RPS6KA5: variants seen among roughly 807,000 people sequenced by gnomAD.
RPS6KA5 encodes the protein ribosomal protein S6 kinase alpha-5.
In RPS6KA5, 27 loss-of-function variants were observed where a neutral mutation model predicts 85.5. The observed-to-expected ratio is 0.32, with a 90% CI of 0.23 to 0.44. The LOEUF (loss-of-function observed/expected upper bound fraction) is 0.44, where lower values mean the gene tolerates loss of function less well. RPS6KA5 is among the 20% of genes least tolerant of loss of function. The pLI, the probability that RPS6KA5 is intolerant of heterozygous loss-of-function variation, is 1.00. For synonymous variants in RPS6KA5, 334 were observed against 348.2 expected, an observed-to-expected ratio of 0.96 and a Z score of 0.46; for missense variants, 811 against 980.9, an observed-to-expected ratio of 0.83 and a Z score of 2.31.
intron 1 of RPS6KA5, among the ~76,000 whole-genome samples, chr14:91,056,237 C>A (rs1006873635): frequency 6.6e-6 from 1 of 152,172 alleles, no homozygotes; most frequent in African/African-American, 2.4e-5. Context: ...AAGTAAATGT[C>A]TTCCCAGCAA....
At chr14:90,975,236 TA>T (rs1436877180) in intron 3 of RPS6KA5, among the ~76,000 whole-genome samples, 1 of 152,218 alleles carries the variant, frequency 6.6e-6, no homozygotes, top group Non-Finnish European at 1.5e-5. Context: ...GACAAACTGT[TA>T]GCAAGGTTCC....
intron 3 of RPS6KA5, among the ~76,000 whole-genome samples, chr14:90,966,415 T>A (rs1368167282): frequency 6.6e-6 from 1 of 152,194 alleles, no homozygotes; most frequent in African/African-American, 2.4e-5. Context: ...CATAGAATAC[T>A]AACCCTTTCT....
At chr14:90,995,822 G>C (rs1419387287) in intron 2 of RPS6KA5, among the ~76,000 whole-genome samples, 1 of 152,256 alleles carries the variant, frequency 6.6e-6, no homozygotes, top group South Asian at 2.1e-4. Context: ...ACTCATGCCT[G>C]TAATCCCAGC....
At chr14:90,957,631 A>C (rs183611383) in intron 3 of RPS6KA5, among the ~76,000 whole-genome samples, 128 of 152,260 alleles carry the variant, frequency 8.4e-4, no homozygotes, top group African/African-American at 3.0e-3. Flanking sequence ...CTGGAGCATA[A>C]ATTACTCCAT....
chr14:90,947,409 GA>G (rs751010471), intron 4 of RPS6KA5, 25 bp downstream of exon 4: 2 of 1,328,642 alleles, frequency 1.5e-6, no homozygotes, highest in South Asian at 2.5e-5. Context: ...CTTCAGAAAA[GA>G]AACCTGAAAA....
chr14:91,018,190 A>G (rs2041587722), intron 1 of RPS6KA5, among the ~76,000 whole-genome samples: 1 of 152,240 alleles, frequency 6.6e-6, no homozygotes, highest in African/African-American at 2.4e-5. Context: ...GGAAGGAGAT[A>G]GTTATAAATA....
chr14:90,875,358 G>A lies in RPS6KA5; in HGVS notation c.1839C>T (p.Tyr613=). Residue 613 remains tyrosine (Y), a splice_region_variant and synonymous_variant, in exon 15 of 17, where the codon TAC becomes TAT. Transcript: ENST00000614987. The stretch of plus-strand genomic sequence containing the variant: ...AGGGAACCTGTCCTGACAACATTGT[G>A]TACTATCAGGGAAAAAGTAACAAAA... The part of the protein sequence containing the change: ...CDLWSLGVIL[Y]TMLSGQVPFQ... The A allele has an allele frequency of 1.2e-6, 2 of 1,610,634 alleles. No homozygotes were observed. The highest frequency in any genetic ancestry group is 1.7e-6 in the Non-Finnish European group (2 of 1,178,014).
chr14:90,943,271 ATTT>A (rs71117390), intron 4 of RPS6KA5, 86 bp from the exon 5 acceptor site: 2 of 563,188 alleles, frequency 3.6e-6, no homozygotes, highest in Non-Finnish European at 3.0e-6. Flanking sequence ...TTATTTATTT[ATTT>A]TTTTTTTTAA....
At chr14:90,931,226 G>T (rs2036959056) in intron 5 of RPS6KA5, among the ~76,000 whole-genome samples, 1 of 152,166 alleles carries the variant, frequency 6.6e-6, no homozygotes, top group Non-Finnish European at 1.5e-5. Flanking sequence ...AGGAAATCTT[G>T]TCACATGCTA....
At chr14:91,015,290 T>C (rs1052212402) in intron 1 of RPS6KA5, among the ~76,000 whole-genome samples, 2 of 152,140 alleles carry the variant, frequency 1.3e-5, no homozygotes, top group African/African-American at 4.8e-5. Flanking sequence ...GCATTCCTTA[T>C]CCTCAAATTA....
At chr14:90,952,106 T>C (rs2038224541) in intron 3 of RPS6KA5, among the ~76,000 whole-genome samples, 1 of 152,208 alleles carries the variant, frequency 6.6e-6, no homozygotes, top group South Asian at 2.1e-4. Context: ...ACATCAGGCA[T>C]TGCCACCGCC....
At chr14:91,043,198 T>C (rs1208160676) in intron 1 of RPS6KA5, among the ~76,000 whole-genome samples, 2 of 152,230 alleles carry the variant, frequency 1.3e-5, no homozygotes, top group South Asian at 2.1e-4. Context: ...TCCTCCTCTG[T>C]ATCATTTCTT....
intron 1 of RPS6KA5, among the ~76,000 whole-genome samples, chr14:91,001,513 A>T (rs1490720060): frequency 1.3e-5 from 2 of 152,226 alleles, no homozygotes; most frequent in Non-Finnish European, 2.9e-5. Flanking sequence ...GATTGAGAAG[A>T]TGTATTTATG....
chr14:90,881,675 A>G (rs2033849868), intron 14 of RPS6KA5, among the ~76,000 whole-genome samples: 1 of 151,574 alleles, frequency 6.6e-6, no homozygotes, highest in Non-Finnish European at 1.5e-5. Context: ...TAACTTTTGT[A>G]TTTTTCGTAG....
intron 14 of RPS6KA5, among the ~76,000 whole-genome samples, chr14:90,878,016 G>T (rs4143886): frequency 6.6e-6 from 1 of 152,022 alleles, no homozygotes; most frequent in South Asian, 2.1e-4. Flanking sequence ...CTTTCTTCAC[G>T]ATCTTATTCT....
intron 7 of RPS6KA5, among the ~76,000 whole-genome samples, chr14:90,910,516 T>C (rs1228027769): frequency 6.9e-6 from 1 of 145,610 alleles, no homozygotes; most frequent in Non-Finnish European, 1.5e-5. Context: ...AAAACTTTTA[T>C]AATAAAATGT....
At chr14:90,931,262 T>C (rs756231338) in intron 5 of RPS6KA5, among the ~76,000 whole-genome samples, 5 of 152,158 alleles carry the variant, frequency 3.3e-5, no homozygotes, top group African/African-American at 1.2e-4. Flanking sequence ...TTGAGAACTA[T>C]GCTAAGTGAA....
rs2032985723 is a variant in RPS6KA5 at position 90,869,801 on chromosome 14, G to C, written c.*2273C>G. On this transcript the variant is annotated 3_prime_UTR_variant, in exon 17 of 17. Transcript: ENST00000614987. Reference sequence around the variant, plus strand: ...ACTTGGCATCAAATGCTGTCTTTTTGGTACTTATAAGTAGGGTGTAGATAA... The same window carrying C: ...ACTTGGCATCAAATGCTGTCTTTTTCGTACTTATAAGTAGGGTGTAGATAA... 6.6e-6 allele frequency: 1 copy of C among 152,142 alleles called. No homozygotes were observed. The highest frequency in any genetic ancestry group is 2.4e-5 in the African/African-American group (1 of 41,420). 9.4% of individuals were successfully genotyped at this position (152,142 alleles called of 1,614,324 possible). A position where few individuals can be genotyped will look rare whatever the true frequency, so the allele number is the denominator to read the frequency against.
intron 1 of RPS6KA5, among the ~76,000 whole-genome samples, chr14:91,046,960 C>T: frequency 6.6e-6 from 1 of 151,140 alleles, no homozygotes; most frequent in East Asian, 1.9e-4. Flanking sequence ...AGGTGGATCA[C>T]TTGAGCTCAG....
Sources: allele counts gnomAD v4.1 joint callset (sites outside exome capture counted in the v4.1 genomes callset), GRCh38; gene constraint gnomAD v4.1.1; transcripts MANE v1.5; gene names NCBI Gene and HGNC (gene_info 2026-07-23, HGNC 2026-07-21).